FAF1: variants seen among roughly 807,000 people sequenced by gnomAD.
FAF1 encodes the protein Fas associated factor 1, also known as FAS-associated factor 1.
In FAF1, 25 loss-of-function variants were observed where a neutral mutation model predicts 92.5. That is an observed-to-expected ratio of 0.27 (90% CI 0.20 to 0.38). The LOEUF (loss-of-function observed/expected upper bound fraction) is 0.38. FAF1 is among the 10% of genes least tolerant of loss of function. The probability of loss-of-function intolerance (pLI) is 1.00; values close to 1 mark genes in which losing one functional copy is unlikely to be tolerated. For missense variants in FAF1, 636 were observed against 793.3 expected (o/e 0.80, Z 2.38); for synonymous variants, 234 against 273.2 (o/e 0.86, Z 1.42).
At chr1:50,894,607 T>G (rs1476372427) in intron 1 of FAF1, among the ~76,000 whole-genome samples, 1 of 151,148 alleles carries the variant, frequency 6.6e-6, no homozygotes, top group Admixed American at 6.6e-5. Context: ...GGGCAGAACA[T>G]GTATTAGGCC....
intron 7 of FAF1, among the ~76,000 whole-genome samples, chr1:50,685,053 A>G (rs1279008607): frequency 6.6e-6 from 1 of 152,222 alleles, no homozygotes; most frequent in Non-Finnish European, 1.5e-5. Flanking sequence ...GGTTTCCTGA[A>G]GGATGTGTCA....
At chr1:50,833,600 C>G (rs1451358284) in intron 2 of FAF1, among the ~76,000 whole-genome samples, 1 of 152,102 alleles carries the variant, frequency 6.6e-6, no homozygotes, top group Non-Finnish European at 1.5e-5. Flanking sequence ...TGTCCTCTCC[C>G]CAGAGGTTGG....
intron 8 of FAF1, among the ~76,000 whole-genome samples, chr1:50,639,196 A>G (rs890192856): frequency 1.3e-5 from 2 of 152,244 alleles, no homozygotes; most frequent in Non-Finnish European, 2.9e-5. Context: ...ATCATTCACT[A>G]GTTGACGGAC....
chr1:50,506,913 CCTT>C (rs1228733083), intron 15 of FAF1, among the ~76,000 whole-genome samples: 1 of 152,264 alleles, frequency 6.6e-6, no homozygotes, highest in African/African-American at 2.4e-5. Flanking sequence ...TCTTGCTTTA[CCTT>C]CTTCTTCCTG....
At chr1:50,879,962 C>CCAA (rs748472208) in intron 1 of FAF1, among the ~76,000 whole-genome samples, 3 of 152,114 alleles carry the variant, frequency 2.0e-5, no homozygotes, top group Non-Finnish European at 2.9e-5. Flanking sequence ...AAACACTGAA[C>CCAA]CAACAACAAC....
At chr1:50,519,386 GGGAGGGA>G in intron 15 of FAF1, among the ~76,000 whole-genome samples, 1 of 123,596 alleles carries the variant, frequency 8.1e-6, no homozygotes, top group Non-Finnish European at 1.7e-5. Flanking sequence ...GAGGGAGGGA[GGGAGGGA>G]GGGAAGGAGG....
chr1:50,611,141 G>C (rs1454665635), intron 8 of FAF1, among the ~76,000 whole-genome samples: 2 of 152,148 alleles, frequency 1.3e-5, no homozygotes, highest in Non-Finnish European at 2.9e-5. Flanking sequence ...TCATTGTGCT[G>C]GAGTATTTGA....
intron 2 of FAF1, among the ~76,000 whole-genome samples, chr1:50,839,401 C>T (rs749569410): frequency 6.6e-6 from 1 of 152,020 alleles, no homozygotes; most frequent in Non-Finnish European, 1.5e-5. Flanking sequence ...AGACTTTAGT[C>T]GCATTTCATA....
At chr1:50,818,762 G>A (rs1422609894) in intron 2 of FAF1, among the ~76,000 whole-genome samples, 5 of 151,964 alleles carry the variant, frequency 3.3e-5, no homozygotes, top group Admixed American at 6.6e-5. Flanking sequence ...GGCGGGGGCC[G>A]GGAGGCAGAG....
intron 13 of FAF1, among the ~76,000 whole-genome samples, chr1:50,546,945 GT>G: frequency 6.6e-6 from 1 of 152,118 alleles, no homozygotes; most frequent in Non-Finnish European, 1.5e-5. Flanking sequence ...CTTTTTTGCA[GT>G]GGTGTGATAT....
chr1:50,921,784 A>G (rs1644965262), intron 1 of FAF1, among the ~76,000 whole-genome samples: 1 of 152,164 alleles, frequency 6.6e-6, no homozygotes, highest in African/African-American at 2.4e-5. Context: ...CTTGTTTCAA[A>G]AAAAAAAAAT....
intron 18 of FAF1, among the ~76,000 whole-genome samples, chr1:50,448,621 C>T (rs1437739731): frequency 6.6e-6 from 1 of 152,146 alleles, no homozygotes; most frequent in Non-Finnish European, 1.5e-5. Flanking sequence ...CGAGGGCCTG[C>T]AGTGTCCAGC....
Position 50,438,194 on chromosome 1 carries a change from C to T in FAF1, c.*3246G>A, listed in dbSNP as rs543209611. 1 of 152,330 alleles carries T rather than the reference C, an allele frequency of 6.6e-6. No homozygotes were observed. The highest frequency in any genetic ancestry group is 2.4e-5 in the African/African-American group (1 of 41,546). 9.4% of individuals were successfully genotyped at this position (152,330 alleles called of 1,614,324 possible). A position where few individuals can be genotyped will look rare whatever the true frequency, so the allele number is the denominator to read the frequency against. On this transcript the variant is annotated 3_prime_UTR_variant, in exon 19 of 19. Transcript: ENST00000396153. ...AAATGGAATCATCATCTCTGCCCTG[C>T]TTCCCTCATAGCGGGAGACTATTAT...
At chr1:50,706,889 A>G (rs1657695027) in intron 6 of FAF1, among the ~76,000 whole-genome samples, 1 of 152,144 alleles carries the variant, frequency 6.6e-6, no homozygotes, top group South Asian at 2.1e-4. Flanking sequence ...TGACAAATAC[A>G]CACACAACAT....
intron 8 of FAF1, among the ~76,000 whole-genome samples, chr1:50,619,994 TGCC>T (rs1653116262): frequency 1.3e-5 from 2 of 151,260 alleles, no homozygotes; most frequent in African/African-American, 4.9e-5. Context: ...CTGCAACCTC[TGCC>T]TTCCAGGTTC....
rs869236089 is a variant in FAF1 at position 50,438,022 on chromosome 1, CAAAAAAAAAAAA to C, written c.*3406_*3417del. 9.5e-5 allele frequency: 4 copies of C among 42,188 alleles called. No homozygotes were observed. Among genetic ancestry groups the C allele is most frequent in the African/African-American group, 1.9e-4 (2 of 10,730 alleles). The allele number at this position is 42,188 out of a possible 1,614,324, so 2.6% of individuals were successfully genotyped here. On this transcript the variant is annotated 3_prime_UTR_variant, in exon 19 of 19. Coordinates refer to ENST00000396153, the MANE Select transcript of FAF1 (RefSeq NM_007051.3). ...TGAGCGACAGAGCGAGACTCTGTCTCAAAAAAAAAAAAAAAAAAAAAAAAAAATTAGAGATTC... is the reference window on the plus strand; with the variant it reads ...TGAGCGACAGAGCGAGACTCTGTCTCAAAAAAAAAAAAAAATTAGAGATTC...
At chr1:50,767,134 C>T (rs1660606214) in intron 4 of FAF1, among the ~76,000 whole-genome samples, 1 of 152,154 alleles carries the variant, frequency 6.6e-6, no homozygotes, top group South Asian at 2.1e-4. Flanking sequence ...CCAAAGTGAT[C>T]TGATAGAGCT....
chr1:50,495,088 C>T (rs913197628), intron 15 of FAF1, among the ~76,000 whole-genome samples: 2 of 152,066 alleles, frequency 1.3e-5, no homozygotes, highest in Non-Finnish European at 2.9e-5. Flanking sequence ...GTGTCCGTCC[C>T]CTCAAGCACT....
At chr1:50,710,623 G>A (rs764046571) in intron 6 of FAF1, among the ~76,000 whole-genome samples, 1 of 149,556 alleles carries the variant, frequency 6.7e-6, no homozygotes, top group Non-Finnish European at 1.5e-5. Flanking sequence ...TTTTTTTCGA[G>A]ACAGAGTCTC....
Sources: allele counts gnomAD v4.1 joint callset (sites outside exome capture counted in the v4.1 genomes callset), GRCh38; gene constraint gnomAD v4.1.1; transcripts MANE v1.5; gene names NCBI Gene and HGNC (gene_info 2026-07-23, HGNC 2026-07-21).